SUN2: variants seen among roughly 807,000 people sequenced by gnomAD.
The protein encoded by SUN2 is Sad1 and UNC84 domain containing 2.
In SUN2, 60 loss-of-function variants were observed where a neutral mutation model predicts 100.0. That is an observed-to-expected ratio of 0.60 (90% CI 0.49 to 0.74). The LOEUF (loss-of-function observed/expected upper bound fraction) is 0.74, where lower values mean the gene tolerates loss of function less well. SUN2 is among the 30% of genes least tolerant of loss of function. The pLI is 0.00. For synonymous variants in SUN2, 367 were observed against 403.3 expected, an observed-to-expected ratio of 0.91 and a Z score of 1.08; for missense variants, 834 against 954.6, an observed-to-expected ratio of 0.87 and a Z score of 1.66.
rs761298006 is a variant in SUN2, at chr22:38,751,011, C to T, written c.311G>A (p.Arg104Lys). The part of the protein sequence containing the change: ...NWGEDLRVRR[R>K]RGTGGSESSR... Reference sequence around the variant, plus strand: ...GCTCTCTGAGCCACCCGTGCCTCTCCTCCTCCGCACCCGCAGGTCCTCACC... The same window carrying T: ...GCTCTCTGAGCCACCCGTGCCTCTCTTCCTCCGCACCCGCAGGTCCTCACC... Residue 104 changes from arginine (R) to lysine (K), a missense_variant, in exon 4 of 18, where the codon AGG becomes AAG. Transcript: ENST00000689035. 27 of 1,613,376 alleles carry T rather than the reference C, an allele frequency of 1.7e-5. No individual in the cohort carries two copies. The South Asian group carries it at 3.0e-4, about 18-fold the overall frequency.
At chr22:38,748,271 G>A (rs184419855) in intron 7 of SUN2, among the ~76,000 whole-genome samples, 1,615 of 152,284 alleles carry the variant, frequency 0.011, 22 homozygotes, top group South Asian at 0.05. Flanking sequence ...CTGACATCGC[G>A]CCATTGCACT....
chr22:38,742,580 G>A lies in SUN2; in HGVS notation c.814-25C>T, dbSNP rs374134811. On this transcript the variant is annotated intron_variant, in intron 8 of 17. Coordinates refer to ENST00000689035, the MANE Select transcript of SUN2 (RefSeq NM_015374.3). ...CCTGGAAGGGCAGAGAGAGAGCCAC[G>A]GAGTGAGGGACCCTTGGATGATAGT... 1.0e-5 allele frequency: 16 copies of A among 1,592,866 alleles called. No individual in the cohort carries two copies. In the African/African-American group the frequency reaches 1.7e-4, roughly 17 times the overall value.
rs1423391681 is a variant in SUN2 at position 38,743,571 on chromosome 22, G to C, written c.814-1016C>G. On this transcript the variant is annotated intron_variant, in intron 8 of 17. Coordinates refer to ENST00000689035, the MANE Select transcript of SUN2 (RefSeq NM_015374.3). ...CATTGCACTTTAGTCTGGGCAACAA[G>C]AGCAAGACTCCGTCTCAAAAAAAAA... is the stretch of plus-strand genomic sequence containing the variant. The C allele has an allele frequency of 8.2e-5, 9 of 109,614 alleles. No individual in the cohort carries two copies. The East Asian group carries it at 2.7e-3, about 33-fold the overall frequency. The allele number at this position is 109,614 out of a possible 1,614,324, so 6.8% of individuals were successfully genotyped here.
Position 38,740,486 on chromosome 22 carries a change from C to A in SUN2, c.1191-54G>T. The A allele has an allele frequency of 7.1e-7, 1 of 1,411,684 alleles. No individual in the cohort carries two copies. The highest frequency in any genetic ancestry group is 9.3e-7 in the Non-Finnish European group (1 of 1,074,932). 87.4% of individuals were successfully genotyped at this position (1,411,684 alleles called of 1,614,324 possible). On this transcript the variant is annotated intron_variant, in intron 11 of 17. Transcript: ENST00000689035. The surrounding 1 kb of genome is among the most constrained non-coding windows in gnomAD (Gnocchi z 4.8). ...CGGATCTCTTTGGTGGGAGGTAAGG[C>A]CACACCAAAGATGAAAGAGGACCCC...
Position 38,738,051 on chromosome 22 carries a change from G to T in SUN2, c.2040+122C>A. The stretch of plus-strand genomic sequence containing the variant: ...ATTTGGATATCACATCTTGAGCTGT[G>T]GGAAAGGAGAGCAGGGCTTCCCTCT... On this transcript the variant is annotated intron_variant, in intron 17 of 17. Coordinates refer to ENST00000689035, the MANE Select transcript of SUN2 (RefSeq NM_015374.3). This position sits in a 1 kb window ranked among gnomAD's most constrained non-coding sequence, Gnocchi z 6.6. 1 of 877,926 alleles carries T rather than the reference G, an allele frequency of 1.1e-6. No homozygotes were observed. 54.4% of individuals were successfully genotyped at this position (877,926 alleles called of 1,614,324 possible).
chr22:38,748,562 C>T, intron 7 of SUN2, 151 bp downstream of exon 7: 1 of 835,666 alleles, frequency 1.2e-6, no homozygotes, highest in East Asian at 2.5e-5. Context: ...TGGGGAGGGC[C>T]ATGCAGAGAT....
rs779944981 is a variant in SUN2 at position 38,741,580 on chromosome 22, C to T, written c.1069-9G>A. Reference sequence around the variant, plus strand: ...AGGGCAGACAGTTCTTCCTGTGAGACGGGAGTGAGAGGACAGGTTGGACAG... The same window carrying T: ...AGGGCAGACAGTTCTTCCTGTGAGATGGGAGTGAGAGGACAGGTTGGACAG... On this transcript the variant is annotated splice_polypyrimidine_tract_variant and intron_variant, in intron 9 of 17. Coordinates refer to ENST00000689035, the MANE Select transcript of SUN2 (RefSeq NM_015374.3). 72 of 1,613,688 alleles carry T rather than the reference C, an allele frequency of 4.5e-5. No individual in the cohort carries two copies. In the Middle Eastern group the frequency reaches 4.9e-4, roughly 11 times the overall value.
At chr22:38,736,565 G>T in intron 17 of SUN2, 185 bp from the exon 18 acceptor site, 1 of 487,292 alleles carries the variant, frequency 2.1e-6, no homozygotes, top group South Asian at 3.4e-5. Flanking sequence ...TTTCCAGCCA[G>T]TGGGTTAAGG....
intron 10 of SUN2, 116 bp downstream of exon 10, chr22:38,741,378 C>T (rs2092856281): frequency 9.4e-7 from 1 of 1,069,360 alleles, no homozygotes; most frequent in East Asian, 2.4e-5. Flanking sequence ...GGAGGGCACT[C>T]CCCTCCCCAT....
At chr22:38,754,287 T>C (rs1356419620) in intron 1 of SUN2, among the ~76,000 whole-genome samples, 2 of 152,276 alleles carry the variant, frequency 1.3e-5, no homozygotes. Context: ...TAGCACTTGC[T>C]TGTGACTTTT....
chr22:38,736,509 G>A lies in SUN2; in HGVS notation c.2041-129C>T, dbSNP rs866849980. ...CCTGCTCCTTCCCTGGGGCTCTGAAGAGAACCAGGCTTCAAAAGCTCCTAT... is the reference window on the plus strand; with the variant it reads ...CCTGCTCCTTCCCTGGGGCTCTGAAAAGAACCAGGCTTCAAAAGCTCCTAT... On this transcript the variant is annotated intron_variant, in intron 17 of 17. Transcript: ENST00000689035. 124 of 693,982 alleles carry A rather than the reference G, an allele frequency of 1.8e-4. No homozygotes were observed. In the Middle Eastern group the frequency reaches 2.0e-3, roughly 11 times the overall value. 43.0% of individuals were successfully genotyped at this position (693,982 alleles called of 1,614,324 possible).
At chr22:38,752,288 C>G (rs1180170424) in intron 2 of SUN2, among the ~76,000 whole-genome samples, 1 of 152,244 alleles carries the variant, frequency 6.6e-6, no homozygotes, top group Admixed American at 6.5e-5. Flanking sequence ...ATGAGGGCAG[C>G]AGCCCCGGCT....
In SUN2 at chr22:38,751,444, C is replaced by A. The variant is rs886300027; in HGVS notation, c.123-71G>T. On this transcript the variant is annotated intron_variant, in intron 2 of 17. Transcript: ENST00000689035. ...CCCAGCCAGGAGCATGAAGGAAAGCCACAGCCTGCGGCCCTGCCTAGTGCA... is the reference window on the plus strand; with the variant it reads ...CCCAGCCAGGAGCATGAAGGAAAGCAACAGCCTGCGGCCCTGCCTAGTGCA... 10 of 1,572,852 alleles carry A rather than the reference C, an allele frequency of 6.4e-6. No individual in the cohort carries two copies. The Admixed American group carries it at 1.6e-4, about 26-fold the overall frequency.
intron 5 of SUN2, 97 bp from the exon 6 acceptor site, chr22:38,749,956 C>G: frequency 8.0e-7 from 1 of 1,254,620 alleles, no homozygotes; most frequent in South Asian, 1.4e-5. Flanking sequence ...ACCCCACCCC[C>G]ACCTGCCAGT....
intron 6 of SUN2, among the ~76,000 whole-genome samples, chr22:38,749,233 T>C (rs896225261): frequency 6.6e-6 from 1 of 152,236 alleles, no homozygotes; most frequent in Non-Finnish European, 1.5e-5. Flanking sequence ...CTGGGTTCCG[T>C]GTTCTTCTGC....
rs1048872109 is a variant in SUN2, at chr22:38,749,777, G to A, written c.603C>T (p.Phe201=). 9.3e-6 allele frequency: 15 copies of A among 1,613,992 alleles called. No homozygotes were observed. The highest frequency in any genetic ancestry group is 4.5e-5 in the East Asian group (2 of 44,882). Residue 201 remains phenylalanine (F), a synonymous_variant, in exon 6 of 18, where the codon TTC becomes TTT. Coordinates refer to ENST00000689035, the MANE Select transcript of SUN2 (RefSeq NM_015374.3). ...LTTAASLLDV[F]VLTRRFSSLK... ...GGAGTCTCGCTCACCTGGTTAAAAC[G>A]AAGACGTCAAGGAGGGAGGCAGCTG...
At chr22:38,748,830 G>T (rs1484317379) in intron 6 of SUN2, 47 bp from the exon 7 acceptor site, 1 of 1,588,702 alleles carries the variant, frequency 6.3e-7, no homozygotes, top group Non-Finnish European at 8.6e-7. Context: ...GGTGTGAGGG[G>T]AGCTCCAGGC....
chr22:38,749,704 C>A (rs1448048003), intron 6 of SUN2, 62 bp downstream of exon 6: 1 of 1,482,650 alleles, frequency 6.7e-7, no homozygotes, highest in Non-Finnish European at 9.4e-7. Flanking sequence ...GGTTGACACA[C>A]TTTACCCGTC....
rs1301995799 is a variant in SUN2, at chr22:38,737,336, C to T, written c.2040+837G>A. ...ATCGCAGTGGCTTCTTCCTCCCACC[C>T]CATCCAACTGGACATTCACGACCCT... On this transcript the variant is annotated intron_variant, in intron 17 of 17. Coordinates refer to ENST00000689035, the MANE Select transcript of SUN2 (RefSeq NM_015374.3). This position sits in a 1 kb window ranked among gnomAD's most constrained non-coding sequence, Gnocchi z 4.1. Among the ~76,000 whole-genome samples the T allele has an allele frequency of 6.6e-6, 1 of 152,070 alleles. No individual in the cohort carries two copies. Among genetic ancestry groups the T allele is most frequent in the Non-Finnish European group, 1.5e-5 (1 of 68,002 alleles).
Sources: allele counts gnomAD v4.1 joint callset (sites outside exome capture counted in the v4.1 genomes callset), GRCh38; gene constraint gnomAD v4.1.1; non-coding constraint Gnocchi (gnomAD v3.1); transcripts MANE v1.5; gene names NCBI Gene and HGNC (gene_info 2026-07-23, HGNC 2026-07-21).